MGMT: variants seen among roughly 807,000 people sequenced by gnomAD.
MGMT encodes the protein methylated-DNA--protein-cysteine methyltransferase.
In MGMT, 14 loss-of-function variants were observed where a neutral mutation model predicts 15.9. That is an observed-to-expected ratio of 0.88 (90% CI 0.58 to 1.37). The LOEUF (loss-of-function observed/expected upper bound fraction) is 1.37, where lower values mean the gene tolerates loss of function less well. Among genes scored for constraint, MGMT ranks in the 40% most tolerant of loss-of-function variants. The probability of loss-of-function intolerance (pLI) is 0.00; values close to 1 mark genes in which losing one functional copy is unlikely to be tolerated. For missense variants in MGMT, 282 were observed against 268.1 expected, an observed-to-expected ratio of 1.05 and a Z score of -0.36; for synonymous variants, 130 against 118.2, an observed-to-expected ratio of 1.10 and a Z score of -0.65.
intron 2 of MGMT, among the ~76,000 whole-genome samples, chr10:129,683,083 A>T (rs1238520470): frequency 1.3e-5 from 2 of 152,204 alleles, no homozygotes; most frequent in African/African-American, 4.8e-5. Context: ...TCCTGACCTC[A>T]AGTGATCCAC....
chr10:129,474,935 C>T (rs1762430), intron 1 of MGMT, among the ~76,000 whole-genome samples: 114,302 of 151,888 alleles, frequency 0.75, 47,255 homozygotes, highest in Non-Finnish European at 0.92. Context: ...GCTTGTCACA[C>T]CCATACATTT....
At chr10:129,596,111 C>T (rs1015054238) in intron 2 of MGMT, among the ~76,000 whole-genome samples, 3 of 151,518 alleles carry the variant, frequency 2.0e-5, no homozygotes, top group African/African-American at 7.3e-5. Flanking sequence ...CCCCTCCCTG[C>T]CCCAGGGTAT....
rs1469102064 is a variant in MGMT, at chr10:129,532,070, CA to C, written c.-12-4170del. ...TTGGATGGAGCTCACCTGGTCCCCCCAGCTCCCTGCTTTGTGATTGATTCAG... is the reference window on the plus strand; with the variant it reads ...TTGGATGGAGCTCACCTGGTCCCCCCGCTCCCTGCTTTGTGATTGATTCAG... On this transcript the variant is annotated intron_variant, in intron 1 of 4. Transcript: ENST00000651593. The surrounding 1 kb of genome is among the most constrained non-coding windows in gnomAD (Gnocchi z 5.3). 6.6e-6 allele frequency among the ~76,000 whole-genome samples: 1 copy of C among 152,214 alleles called. No homozygotes were observed. The highest frequency in any genetic ancestry group is 1.5e-5 in the Non-Finnish European group (1 of 68,032).
intron 2 of MGMT, chr10:129,701,131 A>G (rs55780797): frequency 0.063 from 9,640 of 152,278 alleles, 795 homozygotes; most frequent in African/African-American, 0.2. Flanking sequence ...GATCCCCACC[A>G]GTTTCCGTGC....
chr10:129,468,345 C>T (rs139631537), intron 1 of MGMT, among the ~76,000 whole-genome samples: 6 of 152,248 alleles, frequency 3.9e-5, no homozygotes, highest in African/African-American at 1.4e-4. Context: ...CGTCAAGAGC[C>T]TGGCTGATTG....
intron 3 of MGMT, among the ~76,000 whole-genome samples, chr10:129,745,483 AT>A (rs1168558073): frequency 6.6e-6 from 1 of 152,112 alleles, no homozygotes; most frequent in Non-Finnish European, 1.5e-5. Context: ...TGTCTTATAA[AT>A]GGAATCAGAC....
intron 3 of MGMT, chr10:129,715,577 G>A (rs993726907): frequency 3.9e-5 from 6 of 152,098 alleles, no homozygotes; most frequent in Non-Finnish European, 5.9e-5. Context: ...CTCTTTTGTC[G>A]TCATAAATGC....
chr10:129,738,425 C>T (rs1269024965), intron 3 of MGMT, among the ~76,000 whole-genome samples: 1 of 152,242 alleles, frequency 6.6e-6, no homozygotes, highest in African/African-American at 2.4e-5. Flanking sequence ...GCGCACGGTG[C>T]ACGCACCCAC....
intron 2 of MGMT, among the ~76,000 whole-genome samples, chr10:129,633,192 T>C (rs541620520): frequency 6.6e-6 from 1 of 152,094 alleles, no homozygotes; most frequent in Non-Finnish European, 1.5e-5. Flanking sequence ...TCTAGAAAAA[T>C]ATCTAAATTA....
chr10:129,722,411 A>G (rs1331349915), intron 3 of MGMT, among the ~76,000 whole-genome samples: 1 of 152,240 alleles, frequency 6.6e-6, no homozygotes, highest in Non-Finnish European at 1.5e-5. Context: ...TTTATTAGTT[A>G]TTGGAAGAGG....
intron 2 of MGMT, among the ~76,000 whole-genome samples, chr10:129,671,293 G>A (rs1176945645): frequency 1.3e-5 from 2 of 152,168 alleles, no homozygotes; most frequent in Admixed American, 1.3e-4. Context: ...ATTTAGTGCT[G>A]TCACCTTGGT....
intron 2 of MGMT, among the ~76,000 whole-genome samples, chr10:129,666,108 A>G (rs1366297045): frequency 1.3e-5 from 2 of 152,208 alleles, no homozygotes; most frequent in African/African-American, 4.8e-5. Flanking sequence ...GAAAGAAAAA[A>G]CAGTGGCAAG....
intron 1 of MGMT, among the ~76,000 whole-genome samples, chr10:129,487,428 A>ATG (rs1267495134): frequency 5.9e-5 from 9 of 152,020 alleles, no homozygotes; most frequent in Admixed American, 4.6e-4. Context: ...AAGAATAGGA[A>ATG]TGTGTGTGTG....
At chr10:129,758,966 G>A (rs1848838399) in intron 3 of MGMT, among the ~76,000 whole-genome samples, 1 of 152,246 alleles carries the variant, frequency 6.6e-6, no homozygotes, top group South Asian at 2.1e-4. Flanking sequence ...TTGCAAACCT[G>A]TGGTGCCAGC....
intron 2 of MGMT, among the ~76,000 whole-genome samples, chr10:129,655,558 C>T (rs908902817): frequency 6.6e-6 from 1 of 152,124 alleles, no homozygotes; most frequent in Non-Finnish European, 1.5e-5. Context: ...GGAGAGCTCT[C>T]GTGGCTTCTG....
chr10:129,521,792 G>T (rs1845813707), intron 1 of MGMT, among the ~76,000 whole-genome samples: 1 of 152,250 alleles, frequency 6.6e-6, no homozygotes, highest in African/African-American at 2.4e-5. Flanking sequence ...GCACCTTGCT[G>T]TCCAGGGGGC....
At chr10:129,646,754 A>ATATATATATATTTTTTTTTTTTTTTTT in intron 2 of MGMT, among the ~76,000 whole-genome samples, 36 of 86,608 alleles carry the variant, frequency 4.2e-4, no homozygotes, top group Non-Finnish European at 6.9e-4. Flanking sequence ...ATATATATAT[A>ATATATATATATTTTTTTTTTTTTTTTT]TTTTCAGGGA....
chr10:129,741,420 C>T (rs928726337), intron 3 of MGMT, among the ~76,000 whole-genome samples: 2 of 152,206 alleles, frequency 1.3e-5, no homozygotes, highest in Non-Finnish European at 2.9e-5. Context: ...TGGTGCGAGG[C>T]GTGCAGCCCA....
chr10:129,550,141 T>A (rs1386371012), intron 2 of MGMT, among the ~76,000 whole-genome samples: 2 of 152,238 alleles, frequency 1.3e-5, no homozygotes, highest in African/African-American at 4.8e-5. Flanking sequence ...CTGCCATTTG[T>A]GAACGTACAG....
Sources: gnomAD v4.1 joint callset for allele counts (sites outside exome capture counted in the v4.1 genomes callset) on GRCh38, gnomAD v4.1.1 for gene constraint, Gnocchi (gnomAD v3.1) non-coding constraint, MANE v1.5 for transcripts, NCBI Gene and HGNC (gene_info 2026-07-23, HGNC 2026-07-21) for gene names.